AMMECR1: variants seen among roughly 807,000 people sequenced by gnomAD.
AMMECR1 encodes nuclear protein AMMECR1.
A neutral mutation model predicts 22.5 loss-of-function variants in AMMECR1; 3 were observed. The ratio of observed to expected loss-of-function variants is 0.13; its 90% CI spans 0.06 to 0.35. The LOEUF (loss-of-function observed/expected upper bound fraction) is 0.35, where lower values mean the gene tolerates loss of function less well. AMMECR1 is among the 10% of genes least tolerant of loss of function. AMMECR1 has a pLI of 1.00. For synonymous variants in AMMECR1, 130 were observed against 116.7 expected (o/e 1.11, Z -0.74); for missense variants, 235 against 278.7 (o/e 0.84, Z 1.12).
intron 1 of AMMECR1, among the ~76,000 whole-genome samples, chrX:110,432,679 G>A (rs1031394550): frequency 2.7e-5 from 3 of 112,114 alleles, no homozygotes; most frequent in Non-Finnish European, 5.6e-5. Flanking sequence ...GGCAGCACCA[G>A]CTTGAATCAC....
intron 2 of AMMECR1, among the ~76,000 whole-genome samples, chrX:110,388,248 C>T (rs964475937): frequency 8.9e-6 from 1 of 111,857 alleles, no homozygotes; most frequent in Non-Finnish European, 1.9e-5. Context: ...AAGCCCATGA[C>T]GTGGAGCACA....
intron 1 of AMMECR1, among the ~76,000 whole-genome samples, chrX:110,437,689 G>T (rs1321857791): frequency 1.8e-5 from 2 of 111,726 alleles, no homozygotes; most frequent in Non-Finnish European, 3.8e-5. Flanking sequence ...TGAGTTCAAT[G>T]CGGGTATCAG....
At chrX:110,410,417 G>A (rs749449950) in intron 2 of AMMECR1, among the ~76,000 whole-genome samples, 12 of 112,018 alleles carry the variant, frequency 1.1e-4, no homozygotes, top group Non-Finnish European at 1.5e-4. Flanking sequence ...AGAGGAACTC[G>A]CCAATATCTT....
intron 2 of AMMECR1, among the ~76,000 whole-genome samples, chrX:110,407,068 T>C (rs1188586485): frequency 8.9e-6 from 1 of 111,758 alleles, no homozygotes; most frequent in Non-Finnish European, 1.9e-5. Context: ...CAAACGCTGC[T>C]TTAGGTGATT....
At chrX:110,256,934 T>C (rs1193374910) in intron 2 of AMMECR1, among the ~76,000 whole-genome samples, 1 of 111,702 alleles carries the variant, frequency 9.0e-6, no homozygotes, top group Admixed American at 9.5e-5. Context: ...GGTAAAAGCA[T>C]AGGATTTGCA....
intron 2 of AMMECR1, among the ~76,000 whole-genome samples, chrX:110,239,722 G>A (rs907870140): frequency 6.3e-5 from 7 of 110,746 alleles, no homozygotes; most frequent in East Asian, 2.8e-4. Context: ...GATACTCCTC[G>A]AGAAGAGGAA....
chrX:110,339,653 C>T (rs780076776), intron 2 of AMMECR1, among the ~76,000 whole-genome samples: 113 of 109,721 alleles, frequency 1.0e-3, no homozygotes, highest in African/African-American at 3.5e-3. Context: ...TGCGCCACCA[C>T]GCCCGGCTAA....
rs770217553 is a variant in AMMECR1 at position 110,198,510 on chromosome X, C to T, written c.*10G>A. 1.1e-5 allele frequency: 12 copies of T among 1,128,379 alleles called. No individual in the cohort carries two copies. The highest frequency in any genetic ancestry group is 4.8e-5 in the Admixed American group (2 of 41,309). The allele number at this position is 1,128,379 out of a possible 1,213,427, so 93.0% of individuals were successfully genotyped here. ...CAGAGAGGCCCAGTGACTGGTTGTG[C>T]GGCTCAGTGTCAGGAATAATGGTTG... On this transcript the variant is annotated 3_prime_UTR_variant, in exon 6 of 6. Transcript: ENST00000262844.
At chrX:110,384,058 A>G (rs2068438172) in intron 2 of AMMECR1, among the ~76,000 whole-genome samples, 1 of 111,948 alleles carries the variant, frequency 8.9e-6, no homozygotes, top group Non-Finnish European at 1.9e-5. Flanking sequence ...CATTTCTTCT[A>G]TTGTTTTATT....
chrX:110,264,441 G>GT (rs765373514), intron 2 of AMMECR1, 48 bp downstream of exon 2: 58,426 of 499,976 alleles, frequency 0.12, no homozygotes, highest in East Asian at 0.13. Context: ...AGTTTCATAA[G>GT]TTTTTTTTTT....
intron 1 of AMMECR1, among the ~76,000 whole-genome samples, chrX:110,271,698 T>C (rs1039441247): frequency 1.8e-5 from 2 of 111,982 alleles, no homozygotes. Flanking sequence ...TTTTTGCACA[T>C]ATTTTCTTAG....
At chrX:110,361,386 T>A (rs980975241) in intron 2 of AMMECR1, among the ~76,000 whole-genome samples, 4 of 111,627 alleles carry the variant, frequency 3.6e-5, no homozygotes, top group African/African-American at 1.3e-4. Context: ...GCCTCTCAAC[T>A]GTTCTCCTTG....
At chrX:110,357,172 A>G (rs932706431) in intron 2 of AMMECR1, among the ~76,000 whole-genome samples, 1 of 111,854 alleles carries the variant, frequency 8.9e-6, no homozygotes. Flanking sequence ...GAAAGATTTA[A>G]ATGAAAATTT....
At chrX:110,204,422 A>G (rs2067412051) in intron 3 of AMMECR1, among the ~76,000 whole-genome samples, 1 of 111,076 alleles carries the variant, frequency 9.0e-6, no homozygotes. Context: ...GTCAGACAAA[A>G]TTAATGATAT....
intron 2 of AMMECR1, among the ~76,000 whole-genome samples, chrX:110,389,249 A>G (rs1000887956): frequency 1.8e-5 from 2 of 113,071 alleles, no homozygotes; most frequent in Admixed American, 1.9e-4. Context: ...CAGAATATTC[A>G]GAATTAGTTG....
At chrX:110,337,654 T>C (rs1317044541) in intron 2 of AMMECR1, among the ~76,000 whole-genome samples, 3 of 111,867 alleles carry the variant, frequency 2.7e-5, no homozygotes, top group Admixed American at 9.5e-5. Flanking sequence ...TGGGAAACAG[T>C]ATGGCAGTTC....
At chrX:110,428,607 CT>C (rs769614716) in intron 1 of AMMECR1, among the ~76,000 whole-genome samples, 124 of 111,409 alleles carry the variant, frequency 1.1e-3, no homozygotes, top group Middle Eastern at 4.6e-3. Context: ...CACTCCCCCC[CT>C]CTCCAAGATG....
chrX:110,229,931 G>A (rs911947490), intron 2 of AMMECR1, among the ~76,000 whole-genome samples: 1 of 112,957 alleles, frequency 8.9e-6, no homozygotes, highest in Non-Finnish European at 1.9e-5. Context: ...ATGCATCTGC[G>A]AGGCGGCAGC....
intron 2 of AMMECR1, among the ~76,000 whole-genome samples, chrX:110,327,002 CA>C (rs1176849548): frequency 8.9e-6 from 1 of 111,883 alleles, no homozygotes; most frequent in Non-Finnish European, 1.9e-5. Context: ...TTTGGGTAAA[CA>C]AATAAGTGGT....
Sources: allele counts gnomAD v4.1 joint callset (sites outside exome capture counted in the v4.1 genomes callset), GRCh38; gene constraint gnomAD v4.1.1; transcripts MANE v1.5; gene names NCBI Gene and HGNC (gene_info 2026-07-23, HGNC 2026-07-21).